MYT1L: variants seen among roughly 807,000 people sequenced by gnomAD.
MYT1L encodes myelin transcription factor 1 like, also known as myelin transcription factor 1-like protein.
A neutral mutation model predicts 126.7 loss-of-function variants in MYT1L; 12 were observed. The observed-to-expected ratio is 0.09, with a 90% confidence interval of 0.06 to 0.15. The LOEUF is 0.15. Among genes scored for constraint, MYT1L ranks in the 10% least tolerant of loss-of-function variants. The pLI is 1.00. For missense variants in MYT1L, 979 were observed against 1,585.2 expected (o/e 0.62, Z 6.49); for synonymous variants, 541 against 604.2 (o/e 0.90, Z 1.53).
At chr2:2,069,472 T>G (rs2074319348) in intron 3 of MYT1L, among the ~76,000 whole-genome samples, 1 of 152,202 alleles carries the variant, frequency 6.6e-6, no homozygotes, top group African/African-American at 2.4e-5. Context: ...AGTCTATCAT[T>G]GATAGGCATT....
At chr2:2,030,381 G>T (rs796562992) in intron 4 of MYT1L, among the ~76,000 whole-genome samples, 7 of 152,206 alleles carry the variant, frequency 4.6e-5, no homozygotes, top group African/African-American at 1.7e-4. Context: ...ACAGGCAGGA[G>T]TTTTAAATAT....
rs34795358 is a variant in MYT1L at position 1,848,123 on chromosome 2, A to C, written c.2774+3518T>G. On this transcript the variant is annotated intron_variant, in intron 19 of 24. Transcript: ENST00000647738. This position sits in a 1 kb window ranked among gnomAD's most constrained non-coding sequence, Gnocchi z 4.8. The stretch of plus-strand genomic sequence containing the variant: ...CTCAGCGCATCTGTGGAGATGGTGG[A>C]GGACAGCTCCTCACCCAGTTTCCCA... 0.019 allele frequency among the ~76,000 whole-genome samples: 2,877 copies of C among 152,302 alleles called. 48 individuals are homozygous for C. The highest frequency in any genetic ancestry group is 0.031 in the Non-Finnish European group (2,089 of 68,006).
intron 4 of MYT1L, among the ~76,000 whole-genome samples, chr2:2,011,203 A>G (rs929314784): frequency 2.0e-5 from 3 of 152,194 alleles, no homozygotes; most frequent in Non-Finnish European, 4.4e-5. Flanking sequence ...AGCCTGGCCA[A>G]CACGGCAAAA....
chr2:2,239,769 A>C (rs773257118), intron 2 of MYT1L, among the ~76,000 whole-genome samples: 1 of 152,228 alleles, frequency 6.6e-6, no homozygotes, highest in African/African-American at 2.4e-5. Flanking sequence ...CAACATCAAC[A>C]GAAAAGGCAG....
At chr2:2,199,184 CAAAGT>C (rs2092951371) in intron 2 of MYT1L, among the ~76,000 whole-genome samples, 1 of 152,164 alleles carries the variant, frequency 6.6e-6, no homozygotes, top group Non-Finnish European at 1.5e-5. Flanking sequence ...TCCTTAATAA[CAAAGT>C]AAAGTGTGGG....
At chr2:1,862,672 C>A (rs2044842841) in intron 18 of MYT1L, among the ~76,000 whole-genome samples, 1 of 152,218 alleles carries the variant, frequency 6.6e-6, no homozygotes, top group East Asian at 1.9e-4. Context: ...AAAAATTACA[C>A]TGTCCTCTGC....
At chr2:1,861,918 CCTCCTG>C (rs1313309482) in intron 18 of MYT1L, among the ~76,000 whole-genome samples, 2 of 152,196 alleles carry the variant, frequency 1.3e-5, no homozygotes, top group African/African-American at 2.4e-5. Context: ...AATCCTGGAT[CCTCCTG>C]CAGCCTGTGT....
At chr2:2,007,354 G>A (rs2063432916) in intron 4 of MYT1L, among the ~76,000 whole-genome samples, 1 of 152,136 alleles carries the variant, frequency 6.6e-6, no homozygotes, top group South Asian at 2.1e-4. Flanking sequence ...GATAATAGCT[G>A]TAAACCAAAA....
intron 21 of MYT1L, among the ~76,000 whole-genome samples, chr2:1,826,460 G>C (rs1241754619): frequency 6.6e-6 from 1 of 152,214 alleles, no homozygotes; most frequent in African/African-American, 2.4e-5. Flanking sequence ...CGCTGGGCCA[G>C]AACACTGGGT....
At chr2:2,137,487 C>A (rs549402166) in intron 3 of MYT1L, among the ~76,000 whole-genome samples, 43 of 152,268 alleles carry the variant, frequency 2.8e-4, no homozygotes, top group African/African-American at 9.4e-4. Flanking sequence ...GGTACCAAAA[C>A]AGAGATATAG....
At chr2:2,311,264 G>A (rs545736957) in intron 1 of MYT1L, among the ~76,000 whole-genome samples, 29 of 152,348 alleles carry the variant, frequency 1.9e-4, no homozygotes, top group African/African-American at 6.3e-4. Context: ...CACGAACCAT[G>A]TTGTATCTTC....
chr2:2,128,267 C>G (rs1269391292), intron 3 of MYT1L, among the ~76,000 whole-genome samples: 1 of 152,170 alleles, frequency 6.6e-6, no homozygotes, highest in Non-Finnish European at 1.5e-5. Context: ...CTGCCTCAGC[C>G]TCCCGAATAG....
chr2:2,156,387 G>T (rs1443314021), intron 3 of MYT1L, among the ~76,000 whole-genome samples: 3 of 152,230 alleles, frequency 2.0e-5, no homozygotes, highest in African/African-American at 7.2e-5. Context: ...CCCAACAGGG[G>T]AGAGAACTGA....
rs1249179603 is a variant in MYT1L, at chr2:1,801,293, A to G, written c.3276+403T>C. 6.4e-6 allele frequency: 1 copy of G among 157,360 alleles called. No individual in the cohort carries two copies. Among genetic ancestry groups the G allele is most frequent in the Non-Finnish European group, 1.4e-5 (1 of 71,798 alleles). The allele number at this position is 157,360 out of a possible 1,614,324, so 9.7% of individuals were successfully genotyped here. ...CAAATCCCAGACACCCAGGAGTCCT[A>G]TGTGGCAGGCACTCCTTGTTTTAAA... On this transcript the variant is annotated intron_variant, in intron 23 of 24. Coordinates refer to ENST00000647738, the MANE Select transcript of MYT1L (RefSeq NM_001303052.2). This position sits in a 1 kb window ranked among gnomAD's most constrained non-coding sequence, Gnocchi z 4.2.
chr2:2,086,774 G>A (rs1423934107), intron 3 of MYT1L, among the ~76,000 whole-genome samples: 1 of 152,080 alleles, frequency 6.6e-6, no homozygotes. Context: ...CTTCCCCTTA[G>A]GAAGATTCTC....
At chr2:2,172,390 C>A (rs1383355418) in intron 3 of MYT1L, among the ~76,000 whole-genome samples, 1 of 152,256 alleles carries the variant, frequency 6.6e-6, no homozygotes, top group Non-Finnish European at 1.5e-5. Context: ...AGGCTCACAT[C>A]ATTCCTGCCC....
chr2:1,981,609 C>T (rs538381744), intron 5 of MYT1L, among the ~76,000 whole-genome samples: 61 of 152,318 alleles, frequency 4.0e-4, no homozygotes, highest in African/African-American at 1.4e-3. Flanking sequence ...TGAGCCAGGG[C>T]CACGTGCAGT....
intron 1 of MYT1L, among the ~76,000 whole-genome samples, chr2:2,298,445 A>T (rs1284403063): frequency 1.3e-5 from 2 of 152,216 alleles, no homozygotes; most frequent in African/African-American, 4.8e-5. Context: ...AGTTTAACAC[A>T]TGGCTTTACA....
chr2:2,247,440 C>T (rs1165754248), intron 2 of MYT1L, among the ~76,000 whole-genome samples: 1 of 152,196 alleles, frequency 6.6e-6, no homozygotes, highest in Non-Finnish European at 1.5e-5. Context: ...TAGCTGGAGA[C>T]TTCAACACCC....
Sources: allele counts gnomAD v4.1 joint callset (sites outside exome capture counted in the v4.1 genomes callset), GRCh38; gene constraint gnomAD v4.1.1; non-coding constraint Gnocchi (gnomAD v3.1); transcripts MANE v1.5; gene names NCBI Gene and HGNC (gene_info 2026-07-23, HGNC 2026-07-21).